Variants in PSPC1 observed in about 807,000 individuals in gnomAD.
The protein encoded by PSPC1 is paraspeckle protein 1.
PSPC1 carries 14 observed loss-of-function variants against 51.6 expected under a neutral mutation model. That is an observed-to-expected ratio of 0.27 (90% confidence interval 0.18 to 0.42). The LOEUF (loss-of-function observed/expected upper bound fraction) is 0.42, where lower values mean the gene tolerates loss of function less well. PSPC1 is among the 10% of genes least tolerant of loss of function. PSPC1 has a pLI of 1.00. For synonymous variants in PSPC1, 193 were observed against 231.9 expected, an observed-to-expected ratio of 0.83 and a Z score of 1.53; for missense variants, 406 against 701.1, an observed-to-expected ratio of 0.58 and a Z score of 4.75.
intron 1 of PSPC1, among the ~76,000 whole-genome samples, chr13:19,778,303 ATTAAT>A (rs1427620775): frequency 2.0e-4 from 9 of 45,580 alleles, no homozygotes; most frequent in East Asian, 4.8e-3. Context: ...AAAGAAAAAA[ATTAAT>A]AAAAATACCG....
intron 1 of PSPC1, among the ~76,000 whole-genome samples, chr13:19,779,999 G>C (rs1593798408): frequency 6.8e-6 from 1 of 146,046 alleles, no homozygotes; most frequent in Non-Finnish European, 1.5e-5. Flanking sequence ...CCCCGTCCGG[G>C]AGGGAGGTGG....
intron 1 of PSPC1, among the ~76,000 whole-genome samples, chr13:19,773,708 G>A (rs1365527117): frequency 6.6e-6 from 1 of 151,924 alleles, no homozygotes; most frequent in Non-Finnish European, 1.5e-5. Flanking sequence ...GCCCAGGCTG[G>A]AGTACAGTGG....
At chr13:19,676,757 G>T (rs1340411690) in intron 7 of PSPC1, among the ~76,000 whole-genome samples, 1 of 152,132 alleles carries the variant, frequency 6.6e-6, no homozygotes, top group Non-Finnish European at 1.5e-5. Flanking sequence ...AGCTAGAAAA[G>T]ACATACACTT....
chr13:19,680,250 G>C (rs2137583809), intron 6 of PSPC1, among the ~76,000 whole-genome samples: 1 of 152,204 alleles, frequency 6.6e-6, no homozygotes, highest in South Asian at 2.1e-4. Flanking sequence ...CCTGACCCCA[G>C]GTGATCCACC....
chr13:19,752,170 C>T (rs1385137234), intron 3 of PSPC1, among the ~76,000 whole-genome samples: 5 of 152,160 alleles, frequency 3.3e-5, no homozygotes, highest in African/African-American at 1.2e-4. Context: ...GCGTTATGTG[C>T]CAATTAATTG....
chr13:19,745,460 G>T (rs1885870052), intron 4 of PSPC1, among the ~76,000 whole-genome samples: 1 of 152,068 alleles, frequency 6.6e-6, no homozygotes, highest in African/African-American at 2.4e-5. Flanking sequence ...TTGCTAGACT[G>T]TAAGACAGTG....
At chr13:19,733,036 T>G (rs894894669) in intron 5 of PSPC1, among the ~76,000 whole-genome samples, 4 of 152,160 alleles carry the variant, frequency 2.6e-5, no homozygotes, top group African/African-American at 4.8e-5. Flanking sequence ...GGGGGCCCAC[T>G]TCTACCACAT....
intron 4 of PSPC1, among the ~76,000 whole-genome samples, chr13:19,747,893 A>G (rs17301407): frequency 1.4e-3 from 210 of 152,348 alleles, no homozygotes; most frequent in Non-Finnish European, 2.4e-3. Flanking sequence ...CTCAACCTGA[A>G]TACATCCTTA....
chr13:19,690,070 T>C (rs1265690994), intron 6 of PSPC1, among the ~76,000 whole-genome samples: 1 of 152,200 alleles, frequency 6.6e-6, no homozygotes, highest in Non-Finnish European at 1.5e-5. Flanking sequence ...TCTCAAACTA[T>C]TAATTACATG....
rs1344498453 is a variant in PSPC1, at chr13:19,782,694, G to A, written c.64C>T (p.Leu22=). Reference sequence around the variant, plus strand: ...TCGCTCTCGCCCACCGCGGACTCCAGGGCGCGAAGGCGGGCCGGGTTTTTC... The same window carrying A: ...TCGCTCTCGCCCACCGCGGACTCCAAGGCGCGAAGGCGGGCCGGGTTTTTC... The part of the protein sequence containing the change: ...IEKNPARLRA[L]ESAVGESEPA... The change falls in exon 1 of 9, where the codon CTG becomes TTG. Residue 22 remains leucine, a synonymous_variant. Transcript: ENST00000338910. This position sits in a 1 kb window ranked among gnomAD's most constrained non-coding sequence, Gnocchi z 4.5. 2 of 1,572,328 alleles carry A rather than the reference G, an allele frequency of 1.3e-6. No homozygotes were observed. Among genetic ancestry groups the A allele is most frequent in the African/African-American group, 1.4e-5 (1 of 70,722 alleles).
chr13:19,705,295 C>T (rs1880504894), intron 8 of PSPC1, among the ~76,000 whole-genome samples: 1 of 152,200 alleles, frequency 6.6e-6, no homozygotes, highest in Non-Finnish European at 1.5e-5. Context: ...GAGTTTGAGA[C>T]CAGCCTGGCC....
intron 6 of PSPC1, among the ~76,000 whole-genome samples, chr13:19,713,545 CAAAAAAAA>C (rs61024238): frequency 5.7e-5 from 5 of 87,234 alleles, no homozygotes; most frequent in South Asian, 4.8e-4. Flanking sequence ...CCCAGACAGC[CAAAAAAAA>C]AAAAAAAAAA....
At chr13:19,774,818 A>AG (rs761844408) in intron 1 of PSPC1, among the ~76,000 whole-genome samples, 2,759 of 145,120 alleles carry the variant, frequency 0.019, 27 homozygotes, top group Middle Eastern at 0.054. Context: ...AAAAAAAAAA[A>AG]CAAAAAAAAA....
At chr13:19,741,984 TA>T (rs771344766) in intron 4 of PSPC1, among the ~76,000 whole-genome samples, 7 of 151,724 alleles carry the variant, frequency 4.6e-5, no homozygotes, top group Non-Finnish European at 1.0e-4. Context: ...CTACAAAAAT[TA>T]GCTGGGCATG....
intron 3 of PSPC1, among the ~76,000 whole-genome samples, chr13:19,756,076 A>C (rs1473589946): frequency 6.6e-6 from 1 of 152,058 alleles, no homozygotes; most frequent in East Asian, 1.9e-4. Context: ...GTCTCTACTA[A>C]AAATACAAAA....
At chr13:19,672,420 A>G (rs1593496385), downstream of PSPC1, 2 of 152,626 alleles carry the variant, frequency 1.3e-5, no homozygotes, top group East Asian at 3.9e-4. Context: ...CTTGGATTAC[A>G]GGCATGAGCC....
chr13:19,732,951 A>G (rs934897515), intron 5 of PSPC1, among the ~76,000 whole-genome samples: 8 of 151,446 alleles, frequency 5.3e-5, no homozygotes, highest in African/African-American at 1.9e-4. Flanking sequence ...AAGAAAAAGA[A>G]AAAAAAAACA....
At chr13:19,743,908 G>C (rs1035108696) in intron 4 of PSPC1, among the ~76,000 whole-genome samples, 6 of 152,170 alleles carry the variant, frequency 3.9e-5, no homozygotes, top group African/African-American at 1.2e-4. Context: ...GGGAGTTGGA[G>C]GCCAGCCTGA....
At chr13:19,742,869 T>A (rs1885574123) in intron 4 of PSPC1, among the ~76,000 whole-genome samples, 1 of 152,006 alleles carries the variant, frequency 6.6e-6, no homozygotes, top group Admixed American at 6.6e-5. Flanking sequence ...CCAAGGAACC[T>A]CCCTCGCAAC....
Sources: gnomAD v4.1 joint callset for allele counts (sites outside exome capture counted in the v4.1 genomes callset) on GRCh38, gnomAD v4.1.1 for gene constraint, Gnocchi (gnomAD v3.1) non-coding constraint, MANE v1.5 for transcripts, NCBI Gene and HGNC (gene_info 2026-07-23, HGNC 2026-07-21) for gene names.